SIDT1: variants seen among roughly 807,000 people sequenced by gnomAD.
The protein encoded by SIDT1 is SID1 transmembrane family member 1, also known as SID1 transmembrane family, member 1.
A neutral mutation model predicts 107.5 loss-of-function variants in SIDT1; 101 were observed. The ratio of observed to expected loss-of-function variants is 0.94; its 90% CI spans 0.80 to 1.11. The LOEUF (loss-of-function observed/expected upper bound fraction) is 1.11, where lower values mean the gene tolerates loss of function less well. Ranked by LOEUF, SIDT1 falls within the 50% of genes least tolerant of loss-of-function variation. The pLI is 0.00. For synonymous variants in SIDT1, 395 were observed against 398.2 expected, an observed-to-expected ratio of 0.99 and a Z score of 0.10; for missense variants, 1,076 against 1,058.2, an observed-to-expected ratio of 1.02 and a Z score of -0.23.
intron 9 of SIDT1, chr3:113,588,858 A>C (rs1943934578): frequency 6.6e-6 from 1 of 151,828 alleles, no homozygotes; most frequent in Non-Finnish European, 1.5e-5. Flanking sequence ...ATACATGTTT[A>C]AGTTTGCTCA....
intron 3 of SIDT1, among the ~76,000 whole-genome samples, chr3:113,572,392 C>A (rs931204457): frequency 6.6e-6 from 1 of 152,158 alleles, no homozygotes; most frequent in Admixed American, 6.5e-5. Flanking sequence ...GACAGGGTTA[C>A]AGGAGATAGG....
At chr3:113,542,967 A>G (rs1307659079) in intron 1 of SIDT1, among the ~76,000 whole-genome samples, 1 of 149,732 alleles carries the variant, frequency 6.7e-6, no homozygotes, top group Non-Finnish European at 1.5e-5. Flanking sequence ...TTTCAGATGG[A>G]GTCTCACTCT....
At chr3:113,607,237 A>G in intron 15 of SIDT1, 123 bp downstream of exon 15, 1 of 632,360 alleles carries the variant, frequency 1.6e-6, no homozygotes, top group Non-Finnish European at 2.8e-6. Context: ...AAGGGTAAAA[A>G]GGAACTAAAC....
Position 113,566,439 on chromosome 3 carries a change from A to G in SIDT1, c.242A>G (p.Tyr81Cys), listed in dbSNP as rs1941919621. 3.1e-6 allele frequency: 5 copies of G among 1,613,864 alleles called. No individual in the cohort carries two copies. Among genetic ancestry groups the G allele is most frequent in the Admixed American group, 1.7e-5 (1 of 59,978 alleles). ...ATGCAGGTGACAGCCGTGAGGGTGT[A>G]TGTGAACAGTTCCTCTGAGAATCTC... ...QPDQVTAVRV[Y>C]VNSSSENLNY... The change falls in exon 2 of 25, where the codon TAT (tyrosine) becomes TGT (cysteine). Residue 81 changes from tyrosine to cysteine, a missense_variant. Coordinates refer to ENST00000264852, the MANE Select transcript of SIDT1 (RefSeq NM_017699.3).
chr3:113,585,007 C>G (rs1013744733), intron 8 of SIDT1, among the ~76,000 whole-genome samples, 170 bp from the exon 9 acceptor site: 2 of 152,180 alleles, frequency 1.3e-5, no homozygotes, highest in East Asian at 3.8e-4. Context: ...TGAAAGGTAG[C>G]TACTGTGGAT....
intron 4 of SIDT1, among the ~76,000 whole-genome samples, chr3:113,579,369 A>G (rs939908143): frequency 6.6e-6 from 1 of 152,222 alleles, no homozygotes; most frequent in Non-Finnish European, 1.5e-5. Flanking sequence ...ATTATTGCCA[A>G]CAGTAATCAT....
chr3:113,578,258 G>T (rs1050631664), intron 4 of SIDT1, among the ~76,000 whole-genome samples: 1 of 152,104 alleles, frequency 6.6e-6, no homozygotes, highest in Admixed American at 6.5e-5. Flanking sequence ...GAGGTCAGGA[G>T]ATCGAGACCA....
chr3:113,603,874 T>C (rs1469751178), intron 12 of SIDT1, 86 bp from the exon 13 acceptor site: 1 of 838,640 alleles, frequency 1.2e-6, no homozygotes, highest in Non-Finnish European at 1.9e-6. Context: ...TTAATTTAAA[T>C]TGAGACATTT....
In SIDT1 at chr3:113,604,980, A is replaced by C; in HGVS notation, c.1404+4A>C. The C allele has an allele frequency of 6.2e-7, 1 of 1,613,908 alleles. No homozygotes were observed. The highest frequency in any genetic ancestry group is 8.5e-7 in the Non-Finnish European group (1 of 1,180,022). On this transcript the variant is annotated splice_donor_region_variant and intron_variant, in intron 14 of 24. Coordinates refer to ENST00000264852, the MANE Select transcript of SIDT1 (RefSeq NM_017699.3). ...GCTGGTCATTACCTATCAGACAGTA[A>C]GTGCTGCCCCAGCCCCAGCCCCAGA...
intron 6 of SIDT1, 71 bp downstream of exon 6, chr3:113,581,515 C>T: frequency 1.6e-6 from 2 of 1,224,002 alleles, no homozygotes; most frequent in South Asian, 2.4e-5. Context: ...ACTGGGCCAG[C>T]ATCCAAAAGG....
chr3:113,587,161 A>G (rs1464468670), intron 9 of SIDT1, among the ~76,000 whole-genome samples: 3 of 152,158 alleles, frequency 2.0e-5, no homozygotes, highest in African/African-American at 7.2e-5. Context: ...TTACTTTCAA[A>G]TGGTCCAGGA....
chr3:113,592,372 T>C (rs1321511253), intron 9 of SIDT1, among the ~76,000 whole-genome samples: 1 of 152,216 alleles, frequency 6.6e-6, no homozygotes, highest in African/African-American at 2.4e-5. Context: ...TTTTATGGTA[T>C]GTGAATTACA....
chr3:113,611,047 T>G lies in SIDT1; in HGVS notation c.1760T>G (p.Leu587Arg). 6.2e-7 allele frequency: 1 copy of G among 1,614,152 alleles called. No individual in the cohort carries two copies. Among genetic ancestry groups the G allele is most frequent in the Non-Finnish European group, 8.5e-7 (1 of 1,180,004 alleles). The change falls in exon 18 of 25, where the codon CTG becomes CGG. Residue 587 changes from leucine to arginine, a missense_variant. Coordinates refer to ENST00000264852, the MANE Select transcript of SIDT1 (RefSeq NM_017699.3). ...FMYMIAGLCM[L>R]KLYQTRHPDI... is the part of the protein sequence containing the mutation. ...TACATGATCGCTGGCCTGTGCATGC[T>G]GAAGCTCTATCAGACCCGCCACCCA... is the stretch of plus-strand genomic sequence containing the variant.
intron 1 of SIDT1, among the ~76,000 whole-genome samples, chr3:113,547,285 T>A (rs1347789337): frequency 1.3e-5 from 2 of 152,100 alleles, no homozygotes; most frequent in Non-Finnish European, 2.9e-5. Context: ...ACTTCTTTTT[T>A]AAAAAGAGTG....
At chr3:113,624,453 A>G (rs1435988877) in intron 23 of SIDT1, among the ~76,000 whole-genome samples, 1 of 152,230 alleles carries the variant, frequency 6.6e-6, no homozygotes, top group African/African-American at 2.4e-5. Flanking sequence ...TCATTGCTGA[A>G]AAATATTCCG....
chr3:113,623,388 C>A, intron 21 of SIDT1, 39 bp from the exon 22 acceptor site: 1 of 1,368,558 alleles, frequency 7.3e-7, no homozygotes, highest in African/African-American at 1.4e-5. Flanking sequence ...TGTTACAAAT[C>A]CACCTTCACG....
rs751066703 is a variant in SIDT1 at position 113,583,387 on chromosome 3, A to G, written c.748-22A>G. On this transcript the variant is annotated intron_variant, in intron 6 of 24. Coordinates refer to ENST00000264852, the MANE Select transcript of SIDT1 (RefSeq NM_017699.3). The stretch of plus-strand genomic sequence containing the variant: ...CTACCTCTTTCTTACCGCCTATCAT[A>G]AGGTTGTTATGTCTTATGCAGAAGA... 1.7e-5 allele frequency: 27 copies of G among 1,560,300 alleles called. No homozygotes were observed. In the Admixed American group the frequency reaches 4.5e-4, roughly 26 times the overall value.
intron 1 of SIDT1, among the ~76,000 whole-genome samples, chr3:113,550,647 A>G (rs1940119329): frequency 6.6e-6 from 1 of 152,346 alleles, no homozygotes; most frequent in South Asian, 2.1e-4. Context: ...TAAAAGAAAC[A>G]TGTAAAAATC....
chr3:113,622,024 A>T (rs1946491926), intron 21 of SIDT1, among the ~76,000 whole-genome samples: 1 of 152,228 alleles, frequency 6.6e-6, no homozygotes, highest in African/African-American at 2.4e-5. Context: ...AATCTAGCAT[A>T]TTATAAAATA....
Sources: gnomAD v4.1 joint callset for allele counts (sites outside exome capture counted in the v4.1 genomes callset) on GRCh38, gnomAD v4.1.1 for gene constraint, MANE v1.5 for transcripts, NCBI Gene and HGNC (gene_info 2026-07-23, HGNC 2026-07-21) for gene names.